The following IL1RAPL1 variants were observed in gnomAD, a reference collection of about 807,000 sequenced individuals.
The protein encoded by IL1RAPL1 is interleukin-1 receptor accessory protein-like 1.
IL1RAPL1 carries 3 observed loss-of-function variants against 48.4 expected under a neutral mutation model. That is an observed-to-expected ratio of 0.06 (90% CI 0.03 to 0.16). The LOEUF is 0.16. IL1RAPL1 is among the 10% of genes least tolerant of loss of function. The pLI, the probability that IL1RAPL1 is intolerant of heterozygous loss-of-function variation, is 1.00. For synonymous variants in IL1RAPL1, 185 were observed against 187.7 expected, an observed-to-expected ratio of 0.99 and a Z score of 0.12; for missense variants, 349 against 530.6, an observed-to-expected ratio of 0.66 and a Z score of 3.36.
chrX:28,627,197 G>T (rs1433717590), intron 1 of IL1RAPL1, among the ~76,000 whole-genome samples: 1 of 112,150 alleles, frequency 8.9e-6, no homozygotes, highest in Admixed American at 9.5e-5. Flanking sequence ...GGTAAGGAAA[G>T]TGAGGCAAAT....
At chrX:28,735,495 A>G (rs989907007) in intron 1 of IL1RAPL1, among the ~76,000 whole-genome samples, 2 of 111,231 alleles carry the variant, frequency 1.8e-5, no homozygotes, top group Non-Finnish European at 3.8e-5. Flanking sequence ...TCTTAGTGGT[A>G]ACCCAGGAGC....
intron 5 of IL1RAPL1, among the ~76,000 whole-genome samples, chrX:29,443,906 C>A (rs747637334): frequency 1.2e-4 from 14 of 112,119 alleles, no homozygotes; most frequent in Non-Finnish European, 2.1e-4. Flanking sequence ...ATCCACAATA[C>A]AGAAGTACCT....
intron 2 of IL1RAPL1, among the ~76,000 whole-genome samples, chrX:29,249,166 G>A (rs937727584): frequency 9.0e-6 from 1 of 111,293 alleles, no homozygotes; most frequent in Non-Finnish European, 1.9e-5. Context: ...AACTCGGCTG[G>A]GGAGATTGGA....
chrX:29,226,378 T>G (rs1467350679), intron 2 of IL1RAPL1, among the ~76,000 whole-genome samples: 1 of 110,887 alleles, frequency 9.0e-6, no homozygotes, highest in African/African-American at 3.3e-5. Flanking sequence ...CACAGTTGTA[T>G]TTTGTTTTAA....
At chrX:29,298,368 C>T (rs1932479689) in intron 3 of IL1RAPL1, among the ~76,000 whole-genome samples, 1 of 111,819 alleles carries the variant, frequency 8.9e-6, no homozygotes, top group Non-Finnish European at 1.9e-5. Context: ...TAAATAGTCT[C>T]TCCCTCAAAG....
rs1189123204 is a variant in IL1RAPL1, at chrX:29,022,607, CAG to C, written c.82+233185_82+233186del. Among the ~76,000 whole-genome samples, 16 of 111,308 alleles carry C rather than the reference CAG, an allele frequency of 1.4e-4. No individual in the cohort carries two copies. The Admixed American group carries it at 1.4e-3, about 10-fold the overall frequency. ...TTTTACTTTATTTGTTTTTGGTTAT[CAG>C]AGTCTTAAATAATGGGTGATTAGCT... On this transcript the variant is annotated intron_variant, in intron 2 of 10. Coordinates refer to ENST00000378993, the MANE Select transcript of IL1RAPL1 (RefSeq NM_014271.4).
chrX:28,741,732 C>G (rs982049836), intron 1 of IL1RAPL1, among the ~76,000 whole-genome samples: 5 of 111,892 alleles, frequency 4.5e-5, no homozygotes, highest in Non-Finnish European at 7.5e-5. Flanking sequence ...CCTTTGTCAG[C>G]AAATAGATTC....
chrX:29,626,499 C>G (rs1044414940), intron 5 of IL1RAPL1, among the ~76,000 whole-genome samples: 2 of 112,142 alleles, frequency 1.8e-5, no homozygotes, highest in African/African-American at 6.5e-5. Flanking sequence ...TAAGTCCATT[C>G]TCAGGATTTT....
At chrX:29,002,121 C>T (rs1006734472) in intron 2 of IL1RAPL1, among the ~76,000 whole-genome samples, 2 of 109,262 alleles carry the variant, frequency 1.8e-5, no homozygotes, top group Non-Finnish European at 3.8e-5. Flanking sequence ...ATGCTGCTCT[C>T]GAACTCCTGA....
At chrX:29,636,994 G>A (rs1378818355) in intron 5 of IL1RAPL1, among the ~76,000 whole-genome samples, 10 of 107,003 alleles carry the variant, frequency 9.3e-5, no homozygotes, top group Non-Finnish European at 1.7e-4. Flanking sequence ...CAGAGGTTGC[G>A]GTGAGCTGAG....
intron 2 of IL1RAPL1, among the ~76,000 whole-genome samples, chrX:29,191,409 T>C (rs1253873174): frequency 9.0e-6 from 1 of 111,576 alleles, no homozygotes; most frequent in Non-Finnish European, 1.9e-5. Context: ...AAAGCCCTCC[T>C]CTCAGTGATT....
intron 6 of IL1RAPL1, among the ~76,000 whole-genome samples, chrX:29,714,097 C>G (rs1927422289): frequency 8.9e-6 from 1 of 111,954 alleles, no homozygotes; most frequent in African/African-American, 3.2e-5. Context: ...TCTGCCACTA[C>G]TGGTTAATCA....
intron 5 of IL1RAPL1, among the ~76,000 whole-genome samples, chrX:29,553,168 C>CT (rs1477592509): frequency 9.0e-6 from 1 of 111,614 alleles, no homozygotes; most frequent in Non-Finnish European, 1.9e-5. Flanking sequence ...GTGCCTTGCA[C>CT]TTTTTGTTGA....
At chrX:29,368,381 G>T (rs901331751) in intron 3 of IL1RAPL1, among the ~76,000 whole-genome samples, 2 of 111,210 alleles carry the variant, frequency 1.8e-5, no homozygotes, top group South Asian at 7.4e-4. Context: ...TTCTGTTTTT[G>T]TTTGTTTTTG....
rs191321349 is a variant in IL1RAPL1 at position 29,452,634 on chromosome X, T to A, written c.703+53326T>A. On this transcript the variant is annotated intron_variant, in intron 5 of 10. Coordinates refer to ENST00000378993, the MANE Select transcript of IL1RAPL1 (RefSeq NM_014271.4). Reference sequence around the variant, plus strand: ...GGCTTATCAGCTCAATGAGAACATGTGTTTTTGTATGTTTCATTCTTGGCC... The same window carrying A: ...GGCTTATCAGCTCAATGAGAACATGAGTTTTTGTATGTTTCATTCTTGGCC... Among the ~76,000 whole-genome samples, 61 of 111,491 alleles carry A rather than the reference T, an allele frequency of 5.5e-4. No homozygotes were observed. The East Asian group carries it at 0.016, about 29-fold the overall frequency.
At chrX:28,791,710 A>G in intron 2 of IL1RAPL1, among the ~76,000 whole-genome samples, 1 of 111,682 alleles carries the variant, frequency 9.0e-6, no homozygotes, top group South Asian at 3.7e-4. Context: ...TCCTTCCCCT[A>G]GTGTCTATAT....
chrX:28,596,264 A>T, intron 1 of IL1RAPL1, among the ~76,000 whole-genome samples: 1 of 111,852 alleles, frequency 8.9e-6, no homozygotes, highest in Non-Finnish European at 1.9e-5. Context: ...TGAGTAATAA[A>T]GGAGAGAGAA....
intron 3 of IL1RAPL1, among the ~76,000 whole-genome samples, chrX:29,338,634 GAATC>G (rs1288266724): frequency 2.7e-5 from 3 of 111,349 alleles, no homozygotes; most frequent in Non-Finnish European, 5.6e-5. Context: ...AGATAAAGTT[GAATC>G]CGGGAGCTCA....
intron 5 of IL1RAPL1, among the ~76,000 whole-genome samples, chrX:29,470,615 CTTTAAG>C (rs1396316032): frequency 1.8e-5 from 2 of 110,767 alleles, no homozygotes; most frequent in East Asian, 5.6e-4. Flanking sequence ...TTTTAAAATA[CTTTAAG>C]TTTAAAGTTT....
Sources: gnomAD v4.1 joint callset for allele counts (sites outside exome capture counted in the v4.1 genomes callset) on GRCh38, gnomAD v4.1.1 for gene constraint, MANE v1.5 for transcripts, NCBI Gene and HGNC (gene_info 2026-07-23, HGNC 2026-07-21) for gene names.